Variants in LRRC28 observed in about 807,000 individuals in gnomAD.
LRRC28 encodes the protein leucine rich repeat containing 28.
Under a neutral mutation model 45.7 loss-of-function variants are expected in LRRC28, and 39 were observed. The observed-to-expected ratio is 0.85, with a 90% CI of 0.66 to 1.12. The LOEUF (loss-of-function observed/expected upper bound fraction) is 1.12. Ranked by LOEUF, LRRC28 falls within the 50% of genes most tolerant of loss-of-function variation. The probability of loss-of-function intolerance (pLI) is 0.00; values close to 1 mark genes in which losing one functional copy is unlikely to be tolerated. For missense variants in LRRC28, 435 were observed against 438.5 expected, an observed-to-expected ratio of 0.99 and a Z score of 0.07; for synonymous variants, 206 against 178.8, an observed-to-expected ratio of 1.15 and a Z score of -1.22.
chr15:99,388,341 AC>A lies in LRRC28; in HGVS notation c.*2240del, dbSNP rs1447337884. The A allele has an allele frequency of 1.3e-5, 2 of 152,240 alleles. No individual in the cohort carries two copies. The highest frequency in any genetic ancestry group is 2.9e-5 in the Non-Finnish European group (2 of 68,050). The allele number at this position is 152,240 out of a possible 1,614,324, so 9.4% of individuals were successfully genotyped here. On this transcript the variant is annotated 3_prime_UTR_variant, in exon 10 of 10. Transcript: ENST00000301981. ...AGGATTCTCATTGTGATAAGGTGAT[AC>A]ATTAGTTTTACCTTGTTTGAAATTT...
chr15:99,275,114 GATATT>G (rs1597206154), intron 2 of LRRC28, among the ~76,000 whole-genome samples: 2 of 151,770 alleles, frequency 1.3e-5, no homozygotes, highest in East Asian at 3.9e-4. Context: ...AAGAGAGAGA[GATATT>G]ATATGTATAT....
intron 6 of LRRC28, chr15:99,338,270 A>AG (rs35918474): frequency 0.11 from 16,397 of 152,332 alleles, 1,202 homozygotes; most frequent in East Asian, 0.3. Flanking sequence ...AAAACAATTA[A>AG]GTTTATACAC....
rs1958014738 is a variant in LRRC28 at position 99,386,978 on chromosome 15, T to G, written c.*876T>G. 1 of 152,196 alleles carries G rather than the reference T, an allele frequency of 6.6e-6. No homozygotes were observed. Among genetic ancestry groups the G allele is most frequent in the Admixed American group, 6.5e-5 (1 of 15,288 alleles). 9.4% of individuals were successfully genotyped at this position (152,196 alleles called of 1,614,324 possible). ...TTGAAATAAGACCTCCGTGTTCTTTTTTGATGGGTTTATGATTCAGTTTAT... is the reference window on the plus strand; with the variant it reads ...TTGAAATAAGACCTCCGTGTTCTTTGTTGATGGGTTTATGATTCAGTTTAT... On this transcript the variant is annotated 3_prime_UTR_variant, in exon 10 of 10. Transcript: ENST00000301981.
At chr15:99,381,805 C>T (rs1429848872) in intron 9 of LRRC28, among the ~76,000 whole-genome samples, 1 of 152,252 alleles carries the variant, frequency 6.6e-6, no homozygotes, top group Non-Finnish European at 1.5e-5. Context: ...ACTGCAGACC[C>T]TGTTTGCCTG....
chr15:99,361,131 T>C (rs549017297), intron 7 of LRRC28: 7 of 503,216 alleles, frequency 1.4e-5, no homozygotes, highest in South Asian at 1.1e-4. Flanking sequence ...AGCAATGATT[T>C]AGCTGAGTTC....
At chr15:99,346,814 C>T (rs8036160) in intron 6 of LRRC28, among the ~76,000 whole-genome samples, 66,458 of 151,802 alleles carry the variant, frequency 0.44, 15,892 homozygotes, top group African/African-American at 0.65. Context: ...AACCTGTATG[C>T]GGGGTACACA....
intron 5 of LRRC28, among the ~76,000 whole-genome samples, chr15:99,322,778 G>A (rs1955843117): frequency 6.6e-6 from 1 of 152,116 alleles, no homozygotes; most frequent in African/African-American, 2.4e-5. Context: ...ACAGAGCTAA[G>A]GCATGTTGTT....
chr15:99,379,160 C>G (rs1957738377), intron 9 of LRRC28, among the ~76,000 whole-genome samples: 2 of 152,116 alleles, frequency 1.3e-5, no homozygotes, highest in African/African-American at 4.8e-5. Flanking sequence ...GTGAATTTGT[C>G]TGGTCCTGGA....
chr15:99,277,185 T>G (rs949236078), intron 3 of LRRC28, among the ~76,000 whole-genome samples: 4 of 152,130 alleles, frequency 2.6e-5, no homozygotes, highest in Non-Finnish European at 5.9e-5. Flanking sequence ...TACCTCTTAA[T>G]TTTTGCAGGA....
chr15:99,335,039 C>T (rs1956279192), intron 6 of LRRC28, among the ~76,000 whole-genome samples: 1 of 151,914 alleles, frequency 6.6e-6, no homozygotes, highest in African/African-American at 2.4e-5. Flanking sequence ...GATTATTTTT[C>T]CATAAATATA....
At chr15:99,264,174 G>A (rs1296632689) in intron 2 of LRRC28, among the ~76,000 whole-genome samples, 1 of 152,202 alleles carries the variant, frequency 6.6e-6, no homozygotes, top group East Asian at 1.9e-4. Context: ...ATTAGCTGGG[G>A]TTGGACCACA....
intron 5 of LRRC28, among the ~76,000 whole-genome samples, chr15:99,306,136 T>C (rs1054269359): frequency 1.3e-5 from 2 of 152,258 alleles, no homozygotes; most frequent in African/African-American, 4.8e-5. Context: ...TATAATGATA[T>C]AGCTTTTAGG....
At chr15:99,385,926 T>C (rs1027576422) in intron 9 of LRRC28, 104 bp from the exon 10 acceptor site, 8 of 975,872 alleles carry the variant, frequency 8.2e-6, no homozygotes, top group Non-Finnish European at 1.3e-5. Flanking sequence ...TTGTTGACCA[T>C]GGCTAATCCT....
intron 9 of LRRC28, among the ~76,000 whole-genome samples, chr15:99,381,769 A>G (rs182312755): frequency 1.4e-3 from 206 of 152,210 alleles, no homozygotes; most frequent in African/African-American, 4.1e-3. Context: ...CTTAGCTGCC[A>G]GTCTGTTGGA....
intron 5 of LRRC28, among the ~76,000 whole-genome samples, chr15:99,289,760 C>G (rs1027878092): frequency 6.7e-5 from 10 of 149,132 alleles, no homozygotes; most frequent in African/African-American, 2.2e-4. Flanking sequence ...GGTGAAACCC[C>G]GTCTCTACTA....
chr15:99,363,746 A>G (rs544841432), intron 9 of LRRC28, among the ~76,000 whole-genome samples: 2 of 152,196 alleles, frequency 1.3e-5, no homozygotes, highest in African/African-American at 4.8e-5. Flanking sequence ...TTCTCATGCC[A>G]CTCTTTATTT....
At chr15:99,291,437 A>G (rs1030189848) in intron 5 of LRRC28, among the ~76,000 whole-genome samples, 1 of 152,162 alleles carries the variant, frequency 6.6e-6, no homozygotes, top group Non-Finnish European at 1.5e-5. Flanking sequence ...GTGATTTCAG[A>G]TGTTATGATT....
At chr15:99,340,132 G>A (rs150191345) in intron 6 of LRRC28, among the ~76,000 whole-genome samples, 1 of 152,376 alleles carries the variant, frequency 6.6e-6, no homozygotes, top group Non-Finnish European at 1.5e-5. Flanking sequence ...CTGTGACTTT[G>A]ATAAGGGTAT....
chr15:99,325,192 G>A (rs1955932615), intron 5 of LRRC28, among the ~76,000 whole-genome samples: 1 of 152,080 alleles, frequency 6.6e-6, no homozygotes, highest in African/African-American at 2.4e-5. Flanking sequence ...TTTTGGTGCT[G>A]TTGTGAATGG....
Sources: allele counts gnomAD v4.1 joint callset (sites outside exome capture counted in the v4.1 genomes callset), GRCh38; gene constraint gnomAD v4.1.1; transcripts MANE v1.5; gene names NCBI Gene and HGNC (gene_info 2026-07-23, HGNC 2026-07-21).